Variants in ZNF274 observed in about 807,000 individuals in gnomAD.
ZNF274 encodes the protein zinc finger protein 274.
Under a neutral mutation model 42.5 loss-of-function variants are expected in ZNF274, and 23 were observed. That is an observed-to-expected ratio of 0.54 (90% confidence interval 0.39 to 0.77). The LOEUF (loss-of-function observed/expected upper bound fraction) is 0.77, where lower values mean the gene tolerates loss of function less well. Among genes scored for constraint, ZNF274 ranks in the 30% least tolerant of loss-of-function variants. ZNF274 has a pLI of 0.00. For missense variants in ZNF274, 679 were observed against 806.5 expected (o/e 0.84, Z 1.91); for synonymous variants, 292 against 305.4 (o/e 0.96, Z 0.46).
intron 4 of ZNF274, among the ~76,000 whole-genome samples, chr19:58,201,740 C>T (rs2075914355): frequency 6.6e-6 from 1 of 152,080 alleles, no homozygotes; most frequent in African/African-American, 2.4e-5. Context: ...TGGTCTCAAA[C>T]TCCTGACCTT....
chr19:58,206,661 C>T (rs967109139), intron 4 of ZNF274, 59 bp from the exon 5 acceptor site: 5 of 1,485,904 alleles, frequency 3.4e-6, no homozygotes, highest in African/African-American at 1.4e-5. Context: ...TGAATAATGG[C>T]GTTGAGCATC....
At chr19:58,188,810 C>T (rs1258818472) in intron 4 of ZNF274, among the ~76,000 whole-genome samples, 1 of 148,002 alleles carries the variant, frequency 6.8e-6, no homozygotes, top group African/African-American at 2.5e-5. Flanking sequence ...TTGCTTGAGG[C>T]TAGGAGTTTG....
At chr19:58,198,004 T>G (rs578186299) in intron 4 of ZNF274, among the ~76,000 whole-genome samples, 1 of 152,280 alleles carries the variant, frequency 6.6e-6, no homozygotes, top group Non-Finnish European at 1.5e-5. Flanking sequence ...CTGAAATGTC[T>G]TAAGTAGTAA....
At chr19:58,199,262 AG>A (rs1179219565) in intron 4 of ZNF274, among the ~76,000 whole-genome samples, 1 of 151,742 alleles carries the variant, frequency 6.6e-6, no homozygotes, top group Non-Finnish European at 1.5e-5. Context: ...GCTACTTAGG[AG>A]GTTGAGACAG....
At position 58,207,231 on chromosome 19, in the gene ZNF274, C is replaced by T; in HGVS notation, c.739+29C>T. The T allele has an allele frequency of 3.8e-6, 6 of 1,582,174 alleles. No homozygotes were observed. The highest frequency in any genetic ancestry group is 4.3e-6 in the Non-Finnish European group (5 of 1,163,428). ...AGTAGAAGGGTGGGTAGAGGGACAG[C>T]TTAATGAGGGTGTCTTGGAGTACCC... On this transcript the variant is annotated intron_variant, in intron 5 of 7. Transcript: ENST00000617501. This position sits in a 1 kb window ranked among gnomAD's most constrained non-coding sequence, Gnocchi z 5.6.
At chr19:58,189,206 T>G (rs889513888) in intron 4 of ZNF274, among the ~76,000 whole-genome samples, 1 of 152,232 alleles carries the variant, frequency 6.6e-6, no homozygotes, top group African/African-American at 2.4e-5. Context: ...ATTGTCTACC[T>G]TTATGTAGTC....
At chr19:58,185,995 C>T in intron 3 of ZNF274, 157 bp downstream of exon 3, 1 of 506,314 alleles carries the variant, frequency 2.0e-6, no homozygotes. Context: ...GTCCATCCCT[C>T]CCTGAATACC....
chr19:58,200,902 G>GC (rs1228112449), intron 4 of ZNF274, among the ~76,000 whole-genome samples: 1 of 152,150 alleles, frequency 6.6e-6, no homozygotes, highest in African/African-American at 2.4e-5. Flanking sequence ...TTCTGGGGAG[G>GC]CCTCAGGGAG....
At chr19:58,196,221 G>C (rs963718195) in intron 4 of ZNF274, among the ~76,000 whole-genome samples, 5 of 152,176 alleles carry the variant, frequency 3.3e-5, no homozygotes, top group African/African-American at 1.2e-4. Flanking sequence ...TGAAGGTCAT[G>C]ATTTAGGAAA....
At chr19:58,188,467 A>G (rs2075726422) in intron 4 of ZNF274, among the ~76,000 whole-genome samples, 1 of 151,134 alleles carries the variant, frequency 6.6e-6, no homozygotes, top group Admixed American at 6.6e-5. Flanking sequence ...CTAAAAATAC[A>G]AAAATTAGCT....
At position 58,213,283 on chromosome 19, in the gene ZNF274, G is replaced by A; in HGVS notation, c.*140G>A. ...TTCCCAAAACCAAAGGACAACTGAG[G>A]AGACTGCCCAGCACATAATGAATAA... On this transcript the variant is annotated 3_prime_UTR_variant, in exon 8 of 8. Coordinates refer to ENST00000617501, the MANE Select transcript of ZNF274 (RefSeq NM_133502.3). 1 of 1,074,684 alleles carries A rather than the reference G, an allele frequency of 9.3e-7. No homozygotes were observed. Among genetic ancestry groups the A allele is most frequent in the South Asian group, 1.9e-5 (1 of 53,558 alleles). 66.6% of individuals were successfully genotyped at this position (1,074,684 alleles called of 1,614,324 possible).
rs1297444243 is a variant in ZNF274 at position 58,211,469 on chromosome 19, C to G, written c.853-91C>G. 1 of 1,494,486 alleles carries G rather than the reference C, an allele frequency of 6.7e-7. No homozygotes were observed. The highest frequency in any genetic ancestry group is 2.0e-5 in the Admixed American group (1 of 49,928). The allele number at this position is 1,494,486 out of a possible 1,614,324, so 92.6% of individuals were successfully genotyped here. A position where few individuals can be genotyped will look rare whatever the true frequency, so the allele number is the denominator to read the frequency against. On this transcript the variant is annotated intron_variant, in intron 6 of 7. Transcript: ENST00000617501. The surrounding 1 kb of genome is among the most constrained non-coding windows in gnomAD (Gnocchi z 4.8). ...AGGAGAGTCCCTAGCACCGTGAGCT[C>G]TGTCAGAACCTCCCAGCTGGCCTTT...
intron 4 of ZNF274, 36 bp downstream of exon 4, chr19:58,187,078 G>GCTCATCA: frequency 6.4e-7 from 1 of 1,554,456 alleles, no homozygotes; most frequent in Non-Finnish European, 8.8e-7. Flanking sequence ...CACAGGGAAG[G>GCTCATCA]GGCCAACTGA....
chr19:58,197,630 T>C (rs2075860007), intron 4 of ZNF274, among the ~76,000 whole-genome samples: 1 of 152,172 alleles, frequency 6.6e-6, no homozygotes, highest in South Asian at 2.1e-4. Context: ...TCTGAAGAAG[T>C]TGCAGGAGAC....
At position 58,212,275 on chromosome 19, in the gene ZNF274, C is replaced by T; in HGVS notation, c.1094C>T (p.Ser365Phe). 6.2e-6 allele frequency: 10 copies of T among 1,613,986 alleles called. No homozygotes were observed. Among genetic ancestry groups the T allele is most frequent in the Non-Finnish European group, 8.5e-6 (10 of 1,179,898 alleles). ...TCCTCAAGGGATTGTGCCTTGTCCT[C>T]TACATTAGAAGATACCTTGCAGGGT... is the stretch of plus-strand genomic sequence containing the variant. ...QESSRDCALSSTLEDTLQGGV... is the reference protein window; with the variant it reads ...QESSRDCALSFTLEDTLQGGV... Residue 365 changes from serine to phenylalanine, a missense_variant, in exon 8 of 8, where the codon TCT becomes TTT. Ser to Phe is a radical substitution (Grantham distance 155). Around this residue, in one of 2 missense-constraint regions of ZNF274, gnomAD observed 456 missense variants for 590.1 expected, o/e 0.77. Transcript: ENST00000617501. This position sits in a 1 kb window ranked among gnomAD's most constrained non-coding sequence, Gnocchi z 4.6.
At position 58,210,089 on chromosome 19, in the gene ZNF274, C is replaced by T. The variant is rs896880180; in HGVS notation, c.852+16C>T. On this transcript the variant is annotated intron_variant, in intron 6 of 7. Transcript: ENST00000617501. ...GCTCCCTGAGGTAAGCGGGGAGTAT[C>T]ACCCTGTTTTGGTCACAGCATCTCC... The T allele has an allele frequency of 1.9e-6, 3 of 1,607,492 alleles. No homozygotes were observed. The African/African-American group carries it at 4.0e-5, about 21-fold the overall frequency.
At chr19:58,198,710 T>C (rs1416825151) in intron 4 of ZNF274, among the ~76,000 whole-genome samples, 1 of 152,118 alleles carries the variant, frequency 6.6e-6, no homozygotes, top group Non-Finnish European at 1.5e-5. Flanking sequence ...AATTATTTGT[T>C]GAGTGTAGGA....
chr19:58,183,621 G>A (rs2075657822), intron 1 of ZNF274, 179 bp downstream of exon 1: 2 of 233,702 alleles, frequency 8.6e-6, no homozygotes, highest in South Asian at 1.3e-4. Context: ...ACCCCGAGGG[G>A]AGACAGTGCT....
Position 58,211,464 on chromosome 19 carries a change from G to A in ZNF274, c.853-96G>A. On this transcript the variant is annotated intron_variant, in intron 6 of 7. Coordinates refer to ENST00000617501, the MANE Select transcript of ZNF274 (RefSeq NM_133502.3). The surrounding 1 kb of genome is among the most constrained non-coding windows in gnomAD (Gnocchi z 4.8). ...AAAGCAGGAGAGTCCCTAGCACCGT[G>A]AGCTCTGTCAGAACCTCCCAGCTGG... The A allele has an allele frequency of 6.8e-7, 1 of 1,477,728 alleles. No homozygotes were observed. The highest frequency in any genetic ancestry group is 9.1e-7 in the Non-Finnish European group (1 of 1,099,052). 91.5% of individuals were successfully genotyped at this position (1,477,728 alleles called of 1,614,324 possible).
Sources: allele counts gnomAD v4.1 joint callset (sites outside exome capture counted in the v4.1 genomes callset), GRCh38; gene constraint gnomAD v4.1.1; regional missense constraint gnomAD v4.1.1; non-coding constraint Gnocchi (gnomAD v3.1); transcripts MANE v1.5; gene names NCBI Gene and HGNC (gene_info 2026-07-23, HGNC 2026-07-21).